Variants in TRAK1 observed in about 807,000 individuals in gnomAD.
TRAK1 encodes the protein trafficking kinesin-binding protein 1.
In TRAK1, 33 loss-of-function variants were observed where a neutral mutation model predicts 92.1. That is an observed-to-expected ratio of 0.36 (90% CI 0.27 to 0.48). The LOEUF (loss-of-function observed/expected upper bound fraction) is 0.48. TRAK1 is among the 20% of genes least tolerant of loss of function. The probability of loss-of-function intolerance (pLI) is 0.99; values close to 1 mark genes in which losing one functional copy is unlikely to be tolerated. For synonymous variants in TRAK1, 521 were observed against 517.3 expected, an observed-to-expected ratio of 1.01 and a Z score of -0.10; for missense variants, 1,123 against 1,257.9, an observed-to-expected ratio of 0.89 and a Z score of 1.62.
At chr3:42,139,169 T>C (rs1358546086) in intron 2 of TRAK1, among the ~76,000 whole-genome samples, 1 of 152,182 alleles carries the variant, frequency 6.6e-6, no homozygotes, top group Non-Finnish European at 1.5e-5. Flanking sequence ...TTTGTGTAAA[T>C]GCCCAAGTAC....
rs543765734 is a variant in TRAK1 at position 42,128,931 on chromosome 3, TTTTA to T, written c.286+3321_286+3324del. On this transcript the variant is annotated intron_variant, in intron 2 of 15. Coordinates refer to ENST00000327628, the MANE Select transcript of TRAK1 (RefSeq NM_001042646.3). Reference sequence around the variant, plus strand: ...GAATTCTGTCTTATTTATTTAGATCTTTTATTTCTTTTATTCTTTAATAAAGAAG... The same window carrying T: ...GAATTCTGTCTTATTTATTTAGATCTTTTCTTTTATTCTTTAATAAAGAAG... Among the ~76,000 whole-genome samples, 199 of 152,388 alleles carry T rather than the reference TTTTA, an allele frequency of 1.3e-3. 1 individual carries two copies. Among genetic ancestry groups the T allele is most frequent in the South Asian group, 0.011 (51 of 4,834 alleles).
rs565712104 is a variant in TRAK1, at chr3:42,093,711, CT to C, written c.91+2162del. Among the ~76,000 whole-genome samples, 60 of 48,250 alleles carry C rather than the reference CT, an allele frequency of 1.2e-3. 1 individual carries two copies. Among genetic ancestry groups the C allele is most frequent in the Non-Finnish European group, 1.9e-3 (45 of 23,172 alleles). 31.7% of individuals were successfully genotyped at this position (48,250 alleles called of 152,430 possible). A position where few individuals can be genotyped will look rare whatever the true frequency, so the allele number is the denominator to read the frequency against. Reference sequence around the variant, plus strand: ...CCTCCCCTCCCCTCCCCTCCCCTTCCTTTTTTTTTTTACAGAGTCTCACTTC... The same window carrying C: ...CCTCCCCTCCCCTCCCCTCCCCTTCCTTTTTTTTTTACAGAGTCTCACTTC... On this transcript the variant is annotated intron_variant, in intron 1 of 15. Coordinates refer to ENST00000327628, the MANE Select transcript of TRAK1 (RefSeq NM_001042646.3).
intron 2 of TRAK1, among the ~76,000 whole-genome samples, chr3:42,128,110 C>T (rs568526963): frequency 1.8e-3 from 267 of 152,188 alleles, no homozygotes; most frequent in African/African-American, 6.0e-3. Context: ...ACCTGGGAGG[C>T]GGAGATTGTG....
intron 1 of TRAK1, among the ~76,000 whole-genome samples, chr3:42,035,128 A>G (rs1336581986): frequency 6.6e-6 from 1 of 152,102 alleles, no homozygotes; most frequent in Non-Finnish European, 1.5e-5. Context: ...TAAGTCCATA[A>G]ACCACCTTCT....
chr3:42,194,639 A>G (rs1352213583), intron 9 of TRAK1, among the ~76,000 whole-genome samples, 165 bp from the exon 10 acceptor site: 1 of 152,240 alleles, frequency 6.6e-6, no homozygotes, highest in Non-Finnish European at 1.5e-5. Flanking sequence ...AGAAAAAGCA[A>G]GCCTTTGAAA....
chr3:42,018,086 A>AC (rs1480675502), intron 1 of TRAK1, among the ~76,000 whole-genome samples: 139 of 47,936 alleles, frequency 2.9e-3, no homozygotes, highest in Middle Eastern at 8.9e-3. Context: ...CCTCATTGTT[A>AC]CAAAAAAAAA....
intron 1 of TRAK1, among the ~76,000 whole-genome samples, chr3:42,066,446 C>A (rs1038067859): frequency 6.7e-6 from 1 of 150,134 alleles, no homozygotes; most frequent in Non-Finnish European, 1.5e-5. Flanking sequence ...AGAGAGAGAG[C>A]ACCCAGCGTG....
At position 42,218,570 on chromosome 3, in the gene TRAK1, C is replaced by G. The variant is rs901054844; in HGVS notation, c.1964-924C>G. The G allele has an allele frequency of 5.1e-6, 5 of 984,882 alleles. No individual in the cohort carries two copies. The East Asian group carries it at 4.5e-4, about 90-fold the overall frequency. 61.0% of individuals were successfully genotyped at this position (984,882 alleles called of 1,614,324 possible). A position where few individuals can be genotyped will look rare whatever the true frequency, so the allele number is the denominator to read the frequency against. On this transcript the variant is annotated intron_variant, in intron 14 of 15. Transcript: ENST00000327628. ...TGCTTGAGTTATGAATGAGGATGAC[C>G]TCTGCAATCATGATGTCTCCCATAG...
At position 42,079,552 on chromosome 3, in the gene TRAK1, C is replaced by T. The variant is rs117528213; in HGVS notation, c.-518-7552C>T. On this transcript the variant is annotated intron_variant, in intron 1 of 16. Transcript: ENST00000487159. ...CTGGAGTACAATGGTGCAGTCTCGG[C>T]TTACTGCAACCTCTGCCTTCGGGTT... Among the ~76,000 whole-genome samples the T allele has an allele frequency of 7.3e-3, 1,068 of 147,260 alleles. 49 individuals carry two copies. In the East Asian group the frequency reaches 0.13, roughly 18 times the overall value.
intron 1 of TRAK1, among the ~76,000 whole-genome samples, chr3:42,103,631 CG>C (rs1707116825): frequency 1.3e-5 from 2 of 152,184 alleles, no homozygotes; most frequent in South Asian, 4.2e-4. Flanking sequence ...TGGCTGGGCT[CG>C]TGTCTGTGAT....
intron 1 of TRAK1, among the ~76,000 whole-genome samples, chr3:42,111,820 C>T (rs1029594365): frequency 6.6e-6 from 1 of 151,876 alleles, no homozygotes; most frequent in Non-Finnish European, 1.5e-5. Flanking sequence ...TTTTGTAACC[C>T]CTATGACAAA....
intron 14 of TRAK1, among the ~76,000 whole-genome samples, chr3:42,213,195 C>G (rs2149519336): frequency 6.6e-6 from 1 of 151,756 alleles, no homozygotes; most frequent in Admixed American, 6.6e-5. Context: ...GTAGCTGGGA[C>G]TATAGGCACA....
At chr3:42,219,213 C>T (rs975033561) in intron 14 of TRAK1, 1 of 985,176 alleles carries the variant, frequency 1.0e-6, no homozygotes. Context: ...CCTCCCACCC[C>T]CAGACTGGAT....
chr3:42,089,677 C>CCT (rs1704890651), upstream of TRAK1, among the ~76,000 whole-genome samples: 1 of 144,702 alleles, frequency 6.9e-6, no homozygotes, highest in Non-Finnish European at 1.5e-5. Context: ...TTTTTGTGAC[C>CCT]CCCCCCCAAT....
At position 42,166,322 on chromosome 3, in the gene TRAK1, CAG is replaced by C. The variant is rs150063675; in HGVS notation, c.287-10489_287-10488del. On this transcript the variant is annotated intron_variant, in intron 2 of 15. Coordinates refer to ENST00000327628, the MANE Select transcript of TRAK1 (RefSeq NM_001042646.3). The stretch of plus-strand genomic sequence containing the variant: ...GAGGTGACATACAGACAACTCTTAA[CAG>C]AGTGCCAGGCTCATGGTGAGGGTGC... Among the ~76,000 whole-genome samples the C allele has an allele frequency of 8.1e-3, 1,238 of 152,268 alleles. 18 individuals carry two copies. Among genetic ancestry groups the C allele is most frequent in the African/African-American group, 0.029 (1,188 of 41,544 alleles).
chr3:42,028,386 T>A (rs1231360199), intron 1 of TRAK1, among the ~76,000 whole-genome samples: 2 of 152,194 alleles, frequency 1.3e-5, no homozygotes, highest in East Asian at 3.8e-4. Context: ...GATTGCTAAG[T>A]GTGAGCTGTG....
chr3:42,062,166 T>G (rs943679451), intron 1 of TRAK1, among the ~76,000 whole-genome samples: 1 of 152,178 alleles, frequency 6.6e-6, no homozygotes, highest in Non-Finnish European at 1.5e-5. Context: ...ATGTCCACTT[T>G]CCTGTGGATG....
chr3:42,054,258 A>G (rs1470614781), intron 1 of TRAK1, among the ~76,000 whole-genome samples: 1 of 152,114 alleles, frequency 6.6e-6, no homozygotes, highest in Non-Finnish European at 1.5e-5. Context: ...GAAGTGAGTG[A>G]CCTCCTTCAG....
At chr3:42,062,470 T>C (rs1300937381) in intron 1 of TRAK1, among the ~76,000 whole-genome samples, 1 of 152,224 alleles carries the variant, frequency 6.6e-6, no homozygotes, top group Non-Finnish European at 1.5e-5. Context: ...TTTTAACATT[T>C]CAGAATCTAC....
Sources: gnomAD v4.1 joint callset for allele counts (sites outside exome capture counted in the v4.1 genomes callset) on GRCh38, gnomAD v4.1.1 for gene constraint, MANE v1.5 for transcripts, NCBI Gene and HGNC (gene_info 2026-07-23, HGNC 2026-07-21) for gene names.